Variants in CLASP2 observed in about 807,000 individuals in gnomAD.
CLASP2 encodes cytoplasmic linker associated protein 2, also known as CLIP-associating protein 2.
CLASP2 carries 47 observed loss-of-function variants against 194.4 expected under a neutral mutation model. That is an observed-to-expected ratio of 0.24 (90% CI 0.19 to 0.31). CLASP2 has a LOEUF of 0.31. Ranked by LOEUF, CLASP2 falls within the 10% of genes least tolerant of loss-of-function variation. CLASP2 has a pLI of 1.00. For missense variants in CLASP2, 1,445 were observed against 1,823.6 expected (o/e 0.79, Z 3.78); for synonymous variants, 619 against 633.5 (o/e 0.98, Z 0.34).
chr3:33,512,657 T>C (rs1156702019), intron 36 of CLASP2, among the ~76,000 whole-genome samples: 1 of 112,526 alleles, frequency 8.9e-6, no homozygotes, highest in Non-Finnish European at 1.8e-5. Context: ...AGGTGAAAAA[T>C]GCTTAGAAAG....
intron 13 of CLASP2, among the ~76,000 whole-genome samples, chr3:33,609,861 CT>C (rs1192808463): frequency 2.0e-5 from 3 of 152,148 alleles, no homozygotes; most frequent in Admixed American, 1.3e-4. Flanking sequence ...CAAATCTACT[CT>C]TTTAGCTCAT....
intron 1 of CLASP2, among the ~76,000 whole-genome samples, chr3:33,705,935 T>C (rs1240287269): frequency 6.6e-6 from 1 of 152,116 alleles, no homozygotes; most frequent in Non-Finnish European, 1.5e-5. Flanking sequence ...ATTAAATAGA[T>C]ATAGACAGAC....
intron 38 of CLASP2, among the ~76,000 whole-genome samples, chr3:33,499,783 T>C (rs1032169317): frequency 3.3e-5 from 5 of 152,198 alleles, no homozygotes; most frequent in Non-Finnish European, 1.5e-5. Flanking sequence ...CATTATATCT[T>C]TATCTTTATA....
chr3:33,594,238 T>C (rs932695370), intron 20 of CLASP2, among the ~76,000 whole-genome samples: 1 of 152,114 alleles, frequency 6.6e-6, no homozygotes, highest in Non-Finnish European at 1.5e-5. Flanking sequence ...AATAAAAAAG[T>C]TAATCTATTT....
chr3:33,564,540 TGTG>T (rs1214998398), intron 27 of CLASP2, among the ~76,000 whole-genome samples: 1 of 152,196 alleles, frequency 6.6e-6, no homozygotes, highest in African/African-American at 2.4e-5. Flanking sequence ...TAAATAAAAA[TGTG>T]GACATGTTAT....
rs116118616 is a variant in CLASP2, at chr3:33,607,916, A to G, written c.1449-455T>C. On this transcript the variant is annotated intron_variant, in intron 14 of 38. Transcript: ENST00000682230. Reference sequence around the variant, plus strand: ...CTTGAAATTATATTATGCCTACATTAAAAAACAAATTCTATTTTTTAAAAA... The same window carrying G: ...CTTGAAATTATATTATGCCTACATTGAAAAACAAATTCTATTTTTTAAAAA... 8.5e-3 allele frequency among the ~76,000 whole-genome samples: 1,288 copies of G among 152,342 alleles called. 21 individuals carry two copies. The highest frequency in any genetic ancestry group is 0.028 in the African/African-American group (1,166 of 41,580).
chr3:33,688,347 A>C lies in CLASP2; in HGVS notation c.400T>G (p.Ser134Ala). 6 of 1,590,464 alleles carry C rather than the reference A, an allele frequency of 3.8e-6. No homozygotes were observed. The highest frequency in any genetic ancestry group is 5.1e-6 in the Non-Finnish European group (6 of 1,167,414). The change falls in exon 4 of 39, where the codon TCT (serine) becomes GCT (alanine). Residue 134 changes from serine (S) to alanine (A), a missense_variant. Coordinates refer to ENST00000682230, the MANE Select transcript of CLASP2 (RefSeq NM_001365631.1). ...PPMYIWEQLA[S>A]GFKHKNFRSR... ...CGAAAATTCTTGTGTTTAAAACCAG[A>C]AGCCAACTGCTCCCAAATGTACTAT...
chr3:33,695,253 G>A (rs2091766587), intron 2 of CLASP2, among the ~76,000 whole-genome samples: 1 of 99,030 alleles, frequency 1.0e-5, no homozygotes, highest in South Asian at 3.0e-4. Flanking sequence ...TAGAAACATG[G>A]TCTCACTCTA....
chr3:33,564,654 G>C (rs981351325), intron 27 of CLASP2, among the ~76,000 whole-genome samples: 7 of 152,074 alleles, frequency 4.6e-5, no homozygotes, highest in Admixed American at 3.3e-4. Flanking sequence ...ACAGTGGCAC[G>C]ATCATGGTAC....
In CLASP2 at chr3:33,552,204, C is replaced by T. The variant is rs534674157; in HGVS notation, c.3010-809G>A. The stretch of plus-strand genomic sequence containing the variant: ...TGCGATCTCGGCTCACTGAAACCTC[C>T]GTCTCCTGGGTTCAAACGGCTCTCC... On this transcript the variant is annotated intron_variant, in intron 29 of 38. Transcript: ENST00000682230. Among the ~76,000 whole-genome samples the T allele has an allele frequency of 1.5e-3, 225 of 151,382 alleles. 1 individual carries two copies. Among genetic ancestry groups the T allele is most frequent in the Middle Eastern group, 0.014 (4 of 294 alleles).
chr3:33,513,769 TA>T (rs1361135004), intron 36 of CLASP2, among the ~76,000 whole-genome samples: 1 of 152,232 alleles, frequency 6.6e-6, no homozygotes, highest in Non-Finnish European at 1.5e-5. Flanking sequence ...TTCATGTGCT[TA>T]TTGCCATTTG....
chr3:33,687,212 G>GTC, intron 4 of CLASP2, 77 bp from the exon 5 acceptor site: 1 of 876,118 alleles, frequency 1.1e-6, no homozygotes, highest in South Asian at 1.6e-5. Flanking sequence ...ATACCTTCTT[G>GTC]TCTGTAGCAA....
intron 7 of CLASP2, among the ~76,000 whole-genome samples, chr3:33,661,428 A>G (rs1442685399): frequency 6.6e-6 from 1 of 152,232 alleles, no homozygotes; most frequent in African/African-American, 2.4e-5. Context: ...GGCAAAAGCT[A>G]AAGGAGATTT....
At chr3:33,659,162 T>G in intron 7 of CLASP2, 1 of 1,387,408 alleles carries the variant, frequency 7.2e-7, no homozygotes. Context: ...GCTACTCCAC[T>G]TCAAAATAAA....
At chr3:33,577,346 G>C in intron 23 of CLASP2, 1 of 1,122,214 alleles carries the variant, frequency 8.9e-7, no homozygotes. Flanking sequence ...GGCAAGGAGA[G>C]TTAGTTAACA....
chr3:33,626,435 T>G (rs576067517), intron 10 of CLASP2, among the ~76,000 whole-genome samples: 9 of 152,186 alleles, frequency 5.9e-5, no homozygotes, highest in Non-Finnish European at 1.0e-4. Context: ...TTTTAAATTT[T>G]ATCAAATATT....
chr3:33,499,759 G>GAT (rs2046416949), intron 38 of CLASP2, among the ~76,000 whole-genome samples: 1 of 152,104 alleles, frequency 6.6e-6, no homozygotes, highest in Admixed American at 6.6e-5. Flanking sequence ...GGTGTTACAC[G>GAT]ATATGCTGTT....
Position 33,718,238 on chromosome 3 carries a change from G to A in CLASP2, c.-236C>T, listed in dbSNP as rs1247424600. On this transcript the variant is annotated 5_prime_UTR_variant, in exon 1 of 39. Transcript: ENST00000682230. ...CGCTTCAGAGGCCGCGGCCGCGGGCGACGTCAGCACGCGCGTGACGTCAGC... is the reference window on the plus strand; with the variant it reads ...CGCTTCAGAGGCCGCGGCCGCGGGCAACGTCAGCACGCGCGTGACGTCAGC... 4 of 209,726 alleles carry A rather than the reference G, an allele frequency of 1.9e-5. No individual in the cohort carries two copies. Among genetic ancestry groups the A allele is most frequent in the Non-Finnish European group, 3.8e-5 (4 of 105,286 alleles). 13.0% of individuals were successfully genotyped at this position (209,726 alleles called of 1,614,324 possible).
chr3:33,529,403 C>T (rs770947764), intron 34 of CLASP2, among the ~76,000 whole-genome samples: 61 of 152,120 alleles, frequency 4.0e-4, no homozygotes, highest in Non-Finnish European at 7.8e-4. Context: ...AGAGGCATCA[C>T]GTTGCCTGAT....
Sources: allele counts gnomAD v4.1 joint callset (sites outside exome capture counted in the v4.1 genomes callset), GRCh38; gene constraint gnomAD v4.1.1; transcripts MANE v1.5; gene names NCBI Gene and HGNC (gene_info 2026-07-23, HGNC 2026-07-21).